TGFBR1: variants seen among roughly 807,000 people sequenced by gnomAD.
The protein encoded by TGFBR1 is TGF-beta receptor type-1.
Under a neutral mutation model 55.1 loss-of-function variants are expected in TGFBR1, and 20 were observed. The observed-to-expected ratio is 0.36, with a 90% CI of 0.26 to 0.53. The LOEUF (loss-of-function observed/expected upper bound fraction) is 0.53. TGFBR1 is among the 20% of genes least tolerant of loss of function. The pLI, the probability that TGFBR1 is intolerant of heterozygous loss-of-function variation, is 0.91. For missense variants in TGFBR1, 385 were observed against 617.6 expected, an observed-to-expected ratio of 0.62 and a Z score of 3.99; for synonymous variants, 220 against 214.8, an observed-to-expected ratio of 1.02 and a Z score of -0.21.
intron 4 of TGFBR1, among the ~76,000 whole-genome samples, chr9:99,142,175 C>T (rs1329216883): frequency 1.3e-5 from 2 of 152,146 alleles, no homozygotes; most frequent in Non-Finnish European, 2.9e-5. Context: ...AACCTTCTCT[C>T]CTTCCAGGAA....
At chr9:99,123,337 C>T (rs1247505154) in intron 1 of TGFBR1, among the ~76,000 whole-genome samples, 2 of 152,108 alleles carry the variant, frequency 1.3e-5, no homozygotes, top group African/African-American at 4.8e-5. Flanking sequence ...ATTAAGAAAG[C>T]TATGCCCACT....
chr9:99,142,923 G>A (rs1205851246), intron 5 of TGFBR1, among the ~76,000 whole-genome samples: 1 of 152,108 alleles, frequency 6.6e-6, no homozygotes. Flanking sequence ...GTCGGGCATG[G>A]TGGCATGCAC....
At chr9:99,141,271 A>C (rs954051375) in intron 4 of TGFBR1, among the ~76,000 whole-genome samples, 1 of 152,240 alleles carries the variant, frequency 6.6e-6, no homozygotes, top group African/African-American at 2.4e-5. Context: ...ATCAGTTTAT[A>C]AAGTTCATGA....
chr9:99,128,555 G>A (rs1827110064), intron 1 of TGFBR1: 1 of 447,956 alleles, frequency 2.2e-6, no homozygotes, highest in African/African-American at 2.0e-5. Flanking sequence ...GCAAATGCTT[G>A]CCTTGCTTTG....
chr9:99,142,472 A>G, intron 4 of TGFBR1, 64 bp from the exon 5 acceptor site: 1 of 1,579,920 alleles, frequency 6.3e-7, no homozygotes. Flanking sequence ...AAAAGTAATA[A>G]CCATTGAACA....
At chr9:99,121,951 C>T (rs1327857006) in intron 1 of TGFBR1, among the ~76,000 whole-genome samples, 3 of 152,060 alleles carry the variant, frequency 2.0e-5, no homozygotes, top group Non-Finnish European at 4.4e-5. Context: ...TGGAGATGTA[C>T]ATCTGAGATG....
chr9:99,113,507 A>C (rs10739778), intron 1 of TGFBR1, among the ~76,000 whole-genome samples: 54,098 of 151,990 alleles, frequency 0.36, 9,769 homozygotes, highest in East Asian at 0.47. Context: ...TTAATGAAAT[A>C]TTTGTTTATA....
chr9:99,112,285 G>T (rs1333551182), intron 1 of TGFBR1, among the ~76,000 whole-genome samples: 2 of 152,114 alleles, frequency 1.3e-5, no homozygotes, highest in Non-Finnish European at 2.9e-5. Flanking sequence ...CCTGTGTGTG[G>T]CTGTTCCCTT....
chr9:99,121,444 G>A (rs1047993191), intron 1 of TGFBR1, among the ~76,000 whole-genome samples: 1 of 152,132 alleles, frequency 6.6e-6, no homozygotes, highest in African/African-American at 2.4e-5. Flanking sequence ...CTCCAAAGCT[G>A]GATGAGGGAG....
At chr9:99,107,320 C>G (rs1221726018) in intron 1 of TGFBR1, among the ~76,000 whole-genome samples, 1 of 152,112 alleles carries the variant, frequency 6.6e-6, no homozygotes. Flanking sequence ...AGACTTGCAC[C>G]TTTTTATGTT....
At chr9:99,142,852 A>G in intron 5 of TGFBR1, 149 bp downstream of exon 5, 1 of 834,010 alleles carries the variant, frequency 1.2e-6, no homozygotes, top group Non-Finnish European at 1.9e-6. Context: ...CGATCTCAGG[A>G]GTTCATGGCC....
At chr9:99,127,886 T>G (rs952473785) in intron 1 of TGFBR1, 5 of 453,242 alleles carry the variant, frequency 1.1e-5, no homozygotes, top group African/African-American at 1.0e-4. Flanking sequence ...TTTTGAATGC[T>G]GCTGTGCATG....
intron 5 of TGFBR1, 33 bp from the exon 6 acceptor site, chr9:99,144,699 T>C (rs1321772622): frequency 6.2e-7 from 1 of 1,612,960 alleles, no homozygotes; most frequent in Admixed American, 1.7e-5. Flanking sequence ...GTATTACCTT[T>C]TAAGCAGTCA....
intron 6 of TGFBR1, among the ~76,000 whole-genome samples, chr9:99,146,187 T>A (rs563456317): frequency 6.6e-6 from 1 of 152,300 alleles, no homozygotes; most frequent in Non-Finnish European, 1.5e-5. Context: ...CTAGTACGTG[T>A]ATAGGTGGTG....
chr9:99,110,281 A>C (rs570671052), intron 1 of TGFBR1, among the ~76,000 whole-genome samples: 14 of 152,314 alleles, frequency 9.2e-5, no homozygotes, highest in African/African-American at 3.4e-4. Context: ...GTTGCTTTGA[A>C]ATTTCTTGAA....
chr9:99,139,798 T>G (rs548676870), intron 4 of TGFBR1, among the ~76,000 whole-genome samples: 2 of 152,382 alleles, frequency 1.3e-5, no homozygotes, highest in East Asian at 3.9e-4. Context: ...ATTTCTCTTA[T>G]GTGTCTTAAA....
chr9:99,149,849 T>G lies in TGFBR1; in HGVS notation c.*544T>G. On this transcript the variant is annotated 3_prime_UTR_variant, in exon 9 of 9. Transcript: ENST00000374994. ...GTCTAAAAATGACCTCATATAGTAG[T>G]GAGGAACATAATTCATGCAATTGTA... is the stretch of plus-strand genomic sequence containing the variant. 1 of 219,872 alleles carries G rather than the reference T, an allele frequency of 4.5e-6. No homozygotes were observed. The highest frequency in any genetic ancestry group is 6.9e-5 in the East Asian group (1 of 14,422). 13.6% of individuals were successfully genotyped at this position (219,872 alleles called of 1,614,324 possible). A position where few individuals can be genotyped will look rare whatever the true frequency, so the allele number is the denominator to read the frequency against.
chr9:99,120,458 C>T (rs1404335451), intron 1 of TGFBR1, among the ~76,000 whole-genome samples: 1 of 152,204 alleles, frequency 6.6e-6, no homozygotes, highest in Admixed American at 6.5e-5. Flanking sequence ...AATATCCCCT[C>T]AACTCATTGA....
chr9:99,149,292 G>A lies in TGFBR1; in HGVS notation c.1499G>A (p.Gly500Asp), dbSNP rs1238675507. 6.2e-7 allele frequency: 1 copy of A among 1,613,714 alleles called. No homozygotes were observed. The highest frequency in any genetic ancestry group is 8.5e-7 in the Non-Finnish European group (1 of 1,179,770). The change falls in exon 9 of 9, where the codon GGC becomes GAC. Residue 500 changes from glycine (G) to aspartate (D), a missense_variant. This residue lies in a region of TGFBR1 where 110 missense variants were observed against 154.6 expected (regional missense o/e 0.71). Transcript: ENST00000374994. The part of the protein sequence containing the change: ...KTLSQLSQQE[G>D]IKM ...TTATCGCAACTCAGTCAACAGGAAGGCATCAAAATGTAATTCTACAGCTTT... is the reference window on the plus strand; with the variant it reads ...TTATCGCAACTCAGTCAACAGGAAGACATCAAAATGTAATTCTACAGCTTT...
Sources: gnomAD v4.1 joint callset for allele counts (sites outside exome capture counted in the v4.1 genomes callset) on GRCh38, gnomAD v4.1.1 for gene constraint, gnomAD v4.1.1 regional missense constraint, MANE v1.5 for transcripts, NCBI Gene and HGNC (gene_info 2026-07-23, HGNC 2026-07-21) for gene names.